The following SGCZ variants were observed in gnomAD, a reference collection of about 807,000 sequenced individuals.
SGCZ encodes the protein sarcoglycan zeta, also known as zeta-sarcoglycan.
A neutral mutation model predicts 41.3 loss-of-function variants in SGCZ; 40 were observed. The observed-to-expected ratio is 0.97, with a 90% CI of 0.75 to 1.26. The LOEUF is 1.26. Among genes scored for constraint, SGCZ ranks in the 50% most tolerant of loss-of-function variants. The pLI is 0.00. For missense variants in SGCZ, 552 were observed against 369.8 expected (o/e 1.49, Z -4.04); for synonymous variants, 206 against 137.5 (o/e 1.50, Z -3.49).
At chr8:14,284,172 C>T (rs1800541432) in intron 3 of SGCZ, among the ~76,000 whole-genome samples, 1 of 152,222 alleles carries the variant, frequency 6.6e-6, no homozygotes, top group African/African-American at 2.4e-5. Flanking sequence ...AGGCAGATTG[C>T]TTGGGTCTAA....
intron 1 of SGCZ, among the ~76,000 whole-genome samples, chr8:15,078,147 C>CTTT (rs34411963): frequency 0.016 from 729 of 44,798 alleles, 176 homozygotes; most frequent in African/African-American, 0.05. Context: ...AGGAACTCTT[C>CTTT]TTTTTTTTTT....
At chr8:14,952,141 A>G (rs1198601027) in intron 1 of SGCZ, among the ~76,000 whole-genome samples, 1 of 152,136 alleles carries the variant, frequency 6.6e-6, no homozygotes, top group Non-Finnish European at 1.5e-5. Context: ...TAGATAAACT[A>G]ACACACTAAA....
chr8:14,847,179 A>C (rs1178629336), intron 1 of SGCZ, among the ~76,000 whole-genome samples: 1 of 146,570 alleles, frequency 6.8e-6, no homozygotes, highest in South Asian at 2.1e-4. Context: ...AAGAAGAAGA[A>C]GAAGAAGAGA....
At chr8:14,388,064 T>A (rs375683307) in intron 2 of SGCZ, among the ~76,000 whole-genome samples, 137 of 152,204 alleles carry the variant, frequency 9.0e-4, no homozygotes, top group African/African-American at 3.2e-3. Flanking sequence ...AGGAGTAAGA[T>A]ATTCAGGAAA....
At chr8:14,860,833 C>T (rs1052413789) in intron 1 of SGCZ, among the ~76,000 whole-genome samples, 14 of 152,132 alleles carry the variant, frequency 9.2e-5, no homozygotes, top group African/African-American at 3.4e-4. Flanking sequence ...GAAGACCCCA[C>T]GCTCAGAAGG....
intron 1 of SGCZ, among the ~76,000 whole-genome samples, chr8:14,812,043 G>C (rs1009212565): frequency 1.3e-5 from 2 of 151,724 alleles, no homozygotes; most frequent in African/African-American, 4.8e-5. Flanking sequence ...GGTAAGACAG[G>C]GCCAAGCTTA....
intron 3 of SGCZ, among the ~76,000 whole-genome samples, chr8:14,316,228 G>GAAAT (rs2084195697): frequency 6.6e-6 from 1 of 151,796 alleles, no homozygotes; most frequent in Admixed American, 6.6e-5. Context: ...AAAATAAAAT[G>GAAAT]AAATATAGGG....
intron 1 of SGCZ, among the ~76,000 whole-genome samples, chr8:14,823,053 C>CAAAAAAA: frequency 1.4e-5 from 1 of 69,396 alleles, no homozygotes; most frequent in Non-Finnish European, 2.2e-5. Flanking sequence ...CACCAATCCT[C>CAAAAAAA]ATAAAAAAAA....
intron 1 of SGCZ, among the ~76,000 whole-genome samples, chr8:14,587,922 C>T (rs938012805): frequency 1.3e-5 from 2 of 152,066 alleles, no homozygotes; most frequent in South Asian, 2.1e-4. Flanking sequence ...AAATTGCATC[C>T]ACTGTTTCCT....
At chr8:14,676,182 A>C (rs1808271158) in intron 1 of SGCZ, among the ~76,000 whole-genome samples, 1 of 152,232 alleles carries the variant, frequency 6.6e-6, no homozygotes, top group African/African-American at 2.4e-5. Flanking sequence ...ACTACAGGCT[A>C]TTCTGTCTCT....
intron 1 of SGCZ, among the ~76,000 whole-genome samples, chr8:15,129,709 A>AAAAC (rs1554462228): frequency 6.7e-6 from 1 of 148,964 alleles, no homozygotes; most frequent in Admixed American, 6.7e-5. Flanking sequence ...AGCATTTGCA[A>AAAAC]AAAAAAAAAA....
intron 1 of SGCZ, among the ~76,000 whole-genome samples, chr8:15,071,438 G>A (rs760177934): frequency 6.6e-6 from 1 of 152,034 alleles, no homozygotes; most frequent in African/African-American, 2.4e-5. Context: ...AATTTATTAT[G>A]CATGTCATAC....
intron 1 of SGCZ, among the ~76,000 whole-genome samples, chr8:14,864,019 G>A (rs770391895): frequency 4.6e-5 from 7 of 152,058 alleles, no homozygotes; most frequent in Admixed American, 6.6e-5. Flanking sequence ...AAAACAGAAC[G>A]CGACCTTCTC....
intron 3 of SGCZ, among the ~76,000 whole-genome samples, chr8:14,271,214 A>G (rs1276718263): frequency 6.6e-6 from 1 of 152,168 alleles, no homozygotes; most frequent in African/African-American, 2.4e-5. Context: ...AAAAAAGGAA[A>G]TGATGTATAG....
intron 1 of SGCZ, among the ~76,000 whole-genome samples, chr8:14,801,969 T>C (rs769092948): frequency 9.2e-5 from 14 of 152,194 alleles, no homozygotes; most frequent in Non-Finnish European, 1.9e-4. Flanking sequence ...GGATGTTTTC[T>C]AGCAAAGCTC....
intron 2 of SGCZ, among the ~76,000 whole-genome samples, chr8:14,412,683 C>A (rs577406848): frequency 6.6e-6 from 1 of 152,072 alleles, no homozygotes; most frequent in South Asian, 2.1e-4. Flanking sequence ...TTACAACCAA[C>A]CATGGTGGAA....
At chr8:14,638,269 T>C (rs994855135) in intron 1 of SGCZ, among the ~76,000 whole-genome samples, 3 of 151,856 alleles carry the variant, frequency 2.0e-5, no homozygotes, top group Non-Finnish European at 4.4e-5. Flanking sequence ...ACTCCGTTGC[T>C]TCATCAGTCA....
chr8:14,329,831 G>C (rs1802250309), intron 2 of SGCZ, among the ~76,000 whole-genome samples: 1 of 150,890 alleles, frequency 6.6e-6, no homozygotes, highest in Non-Finnish European at 1.5e-5. Context: ...GTTGGTATTT[G>C]TTTTTTGTTT....
chr8:14,289,995 G>T (rs6530753), intron 3 of SGCZ, among the ~76,000 whole-genome samples: 114,079 of 151,410 alleles, frequency 0.75, 43,419 homozygotes, highest in Non-Finnish European at 0.8. Flanking sequence ...TTAAACAGCA[G>T]ATCTTGTGAG....
Sources: gnomAD v4.1 joint callset for allele counts (sites outside exome capture counted in the v4.1 genomes callset) on GRCh38, gnomAD v4.1.1 for gene constraint, MANE v1.5 for transcripts, NCBI Gene and HGNC (gene_info 2026-07-23, HGNC 2026-07-21) for gene names.